The following FIGN variants were observed in gnomAD, a reference collection of about 807,000 sequenced individuals.
FIGN encodes fidgetin, microtubule severing factor.
A neutral mutation model predicts 51.3 loss-of-function variants in FIGN; 11 were observed. The ratio of observed to expected loss-of-function variants is 0.21; its 90% CI spans 0.13 to 0.35. The LOEUF is 0.35. Among genes scored for constraint, FIGN ranks in the 10% least tolerant of loss-of-function variants. FIGN has a pLI of 1.00. For synonymous variants in FIGN, 407 were observed against 363.2 expected (o/e 1.12, Z -1.37); for missense variants, 857 against 943.6 (o/e 0.91, Z 1.20).
intron 2 of FIGN, among the ~76,000 whole-genome samples, chr2:163,632,949 G>C (rs1403219328): frequency 1.3e-5 from 2 of 152,052 alleles, no homozygotes; most frequent in Admixed American, 6.6e-5. Context: ...CAAGCACTTA[G>C]GGAAGCCAAG....
chr2:163,636,564 C>T (rs1415587862), intron 2 of FIGN, among the ~76,000 whole-genome samples: 1 of 152,068 alleles, frequency 6.6e-6, no homozygotes, highest in South Asian at 2.1e-4. Flanking sequence ...GGATTACAGG[C>T]GTGAGCCACT....
At chr2:163,729,346 C>T (rs746517074) in intron 2 of FIGN, among the ~76,000 whole-genome samples, 2 of 151,814 alleles carry the variant, frequency 1.3e-5, no homozygotes, top group African/African-American at 4.8e-5. Context: ...TGTAAAATAC[C>T]AGCAGAAATT....
Position 163,680,857 on chromosome 2 carries a change from G to GA in FIGN, c.25+54045dup, listed in dbSNP as rs200912122. ...TAGATTCTGAGCTCCCTAACAGAAA[G>GA]AAAAAAAAAATGCCTTATTAGTTCT... On this transcript the variant is annotated intron_variant, in intron 2 of 2. Transcript: ENST00000333129. Among the ~76,000 whole-genome samples, 880 of 147,692 alleles carry GA rather than the reference G, an allele frequency of 6.0e-3. 5 individuals carry two copies. Among genetic ancestry groups the GA allele is most frequent in the African/African-American group, 0.02 (798 of 40,358 alleles).
At chr2:163,675,448 G>T (rs550853697) in intron 2 of FIGN, among the ~76,000 whole-genome samples, 1 of 152,326 alleles carries the variant, frequency 6.6e-6, no homozygotes, top group East Asian at 1.9e-4. Context: ...CATCACTGGG[G>T]AAACTGTTAG....
intron 2 of FIGN, among the ~76,000 whole-genome samples, chr2:163,698,070 T>C (rs1684351852): frequency 2.0e-5 from 3 of 152,134 alleles, no homozygotes. Flanking sequence ...ATGAGAAAGA[T>C]GTGCTTTTGA....
rs201948747 is a variant in FIGN, at chr2:163,710,032, AC to A, written c.25+24870del. 9.8e-5 allele frequency among the ~76,000 whole-genome samples: 15 copies of A among 152,316 alleles called. No homozygotes were observed. The East Asian group carries it at 2.3e-3, about 24-fold the overall frequency. On this transcript the variant is annotated intron_variant, in intron 2 of 2. Transcript: ENST00000333129. ...AACAATTGACTGAGGTTGTTTCTGT[AC>A]TGTGAAGCAAATGGCAAATATTTAT...
Position 163,610,562 on chromosome 2 carries a change from A to T in FIGN, c.1270T>A (p.Ser424Thr). 6.2e-7 allele frequency: 1 copy of T among 1,614,174 alleles called. No individual in the cohort carries two copies. Among genetic ancestry groups the T allele is most frequent in the Non-Finnish European group, 8.5e-7 (1 of 1,180,020 alleles). ...RSSESFGKYTSPVMSEHGDEH... is the reference protein window; with the variant it reads ...RSSESFGKYTTPVMSEHGDEH... ...TCCCCATGCTCACTCATTACTGGCG[A>T]TGTGTACTTCCCAAAGGATTCACTG... is the stretch of plus-strand genomic sequence containing the variant. Residue 424 changes from serine (S) to threonine (T), a missense_variant, in exon 3 of 3, where the codon TCG becomes ACG. Physicochemically the swap from Ser to Thr is moderately conservative, Grantham distance 58. Coordinates refer to ENST00000333129, the MANE Select transcript of FIGN (RefSeq NM_018086.4).
chr2:163,672,524 C>A (rs1197170262), intron 2 of FIGN, among the ~76,000 whole-genome samples: 2 of 152,160 alleles, frequency 1.3e-5, no homozygotes, highest in Non-Finnish European at 2.9e-5. Flanking sequence ...GTACAGTGCT[C>A]TGCACACAAT....
At chr2:163,655,148 T>C (rs1007660930) in intron 2 of FIGN, among the ~76,000 whole-genome samples, 2 of 151,902 alleles carry the variant, frequency 1.3e-5, no homozygotes, top group African/African-American at 4.9e-5. Flanking sequence ...AAATACAGTA[T>C]TTCGGGCCAT....
chr2:163,623,612 T>G (rs972118308), intron 2 of FIGN, among the ~76,000 whole-genome samples: 1 of 152,186 alleles, frequency 6.6e-6, no homozygotes, highest in African/African-American at 2.4e-5. Context: ...AGTAAATTCC[T>G]AATTTTTGAA....
chr2:163,715,663 A>G (rs1684656108), intron 2 of FIGN, among the ~76,000 whole-genome samples: 1 of 152,226 alleles, frequency 6.6e-6, no homozygotes, highest in Non-Finnish European at 1.5e-5. Flanking sequence ...TACACATACA[A>G]GAAATAAACA....
At chr2:163,698,850 T>C (rs1307383269) in intron 2 of FIGN, among the ~76,000 whole-genome samples, 1 of 152,170 alleles carries the variant, frequency 6.6e-6, no homozygotes, top group Admixed American at 6.5e-5. Flanking sequence ...ATGTTTTAAG[T>C]TCCCGTCAGT....
At chr2:163,714,042 G>A (rs1383335831) in intron 2 of FIGN, among the ~76,000 whole-genome samples, 1 of 152,072 alleles carries the variant, frequency 6.6e-6, no homozygotes, top group Non-Finnish European at 1.5e-5. Flanking sequence ...CGGCTCACGG[G>A]GTCCACAGAC....
At chr2:163,682,468 A>G (rs1341609108) in intron 2 of FIGN, among the ~76,000 whole-genome samples, 4 of 152,244 alleles carry the variant, frequency 2.6e-5, no homozygotes, top group Non-Finnish European at 5.9e-5. Flanking sequence ...AAAGTCATGC[A>G]CTTCAAGGAA....
intron 2 of FIGN, among the ~76,000 whole-genome samples, chr2:163,719,972 A>G (rs1355399428): frequency 6.6e-6 from 1 of 152,160 alleles, no homozygotes; most frequent in Non-Finnish European, 1.5e-5. Flanking sequence ...ACCCAAGCTG[A>G]AATCATTTTT....
At chr2:163,696,420 C>G (rs1684319450) in intron 2 of FIGN, among the ~76,000 whole-genome samples, 1 of 152,134 alleles carries the variant, frequency 6.6e-6, no homozygotes, top group Non-Finnish European at 1.5e-5. Context: ...TCCCACCTCA[C>G]AATCGTTTAC....
chr2:163,611,038 C>A lies in FIGN; in HGVS notation c.794G>T (p.Gly265Val), dbSNP rs369831057. 11 of 1,613,870 alleles carry A rather than the reference C, an allele frequency of 6.8e-6. No homozygotes were observed. Among genetic ancestry groups the A allele is most frequent in the South Asian group, 6.6e-5 (6 of 91,078 alleles). The change falls in exon 3 of 3, where the codon GGG becomes GTG. Residue 265 changes from glycine (G) to valine (V), a missense_variant. Gly to Val is a moderately radical substitution (Grantham distance 109). Coordinates refer to ENST00000333129, the MANE Select transcript of FIGN (RefSeq NM_018086.4). Reference protein sequence around the residue: ...QTAVGSGYSPGGAPPPPSAYL... With the variant: ...QTAVGSGYSPVGAPPPPSAYL... Reference sequence around the variant, plus strand: ...CGCTGAAGGCGGAGGCGGTGCCCCCCCAGGGCTGTACCCAGACCCCACAGC... The same window carrying A: ...CGCTGAAGGCGGAGGCGGTGCCCCCACAGGGCTGTACCCAGACCCCACAGC...
intron 2 of FIGN, among the ~76,000 whole-genome samples, chr2:163,698,803 A>T (rs1226295951): frequency 2.6e-5 from 4 of 152,186 alleles, no homozygotes; most frequent in Non-Finnish European, 5.9e-5. Flanking sequence ...TTCTCACACC[A>T]GAGCCTGCCA....
chr2:163,629,618 T>C (rs1015113891), intron 2 of FIGN, among the ~76,000 whole-genome samples: 4 of 152,148 alleles, frequency 2.6e-5, no homozygotes, highest in African/African-American at 7.2e-5. Context: ...TGATATCTTC[T>C]GTAAATAAAG....
Sources: gnomAD v4.1 joint callset for allele counts (sites outside exome capture counted in the v4.1 genomes callset) on GRCh38, gnomAD v4.1.1 for gene constraint, MANE v1.5 for transcripts, NCBI Gene and HGNC (gene_info 2026-07-23, HGNC 2026-07-21) for gene names.